RFX1: variants seen among roughly 807,000 people sequenced by gnomAD.
RFX1 encodes regulatory factor X1.
In RFX1, 42 loss-of-function variants were observed where a neutral mutation model predicts 119.6. The observed-to-expected ratio is 0.35, with a 90% CI of 0.27 to 0.45. The LOEUF (loss-of-function observed/expected upper bound fraction) is 0.45. Among genes scored for constraint, RFX1 ranks in the 20% least tolerant of loss-of-function variants. RFX1 has a pLI of 1.00. For synonymous variants in RFX1, 628 were observed against 618.5 expected (o/e 1.02, Z -0.23); for missense variants, 1,118 against 1,368.1 (o/e 0.82, Z 2.88).
intron 2 of RFX1, among the ~76,000 whole-genome samples, chr19:13,989,635 G>C (rs1037411506): frequency 2.6e-5 from 4 of 152,118 alleles, no homozygotes; most frequent in African/African-American, 9.7e-5. Context: ...TTTTTTGTCA[G>C]GTATCGGGGG....
At chr19:13,983,125 G>T in intron 4 of RFX1, 62 bp downstream of exon 4, 1 of 1,258,136 alleles carries the variant, frequency 7.9e-7, no homozygotes, top group Non-Finnish European at 1.1e-6. Context: ...GCTTGCCACA[G>T]GGGGTTGGTC....
At chr19:13,982,078 G>A (rs1427829574) in intron 5 of RFX1, 43 bp downstream of exon 5, 2 of 1,071,604 alleles carry the variant, frequency 1.9e-6, no homozygotes, top group Non-Finnish European at 1.2e-6. Context: ...GCTGACCTCG[G>A]GAGACAGCAG....
chr19:14,006,031 C>G (rs1447395978), intron 1 of RFX1, 72 bp downstream of exon 1: 6 of 151,968 alleles, frequency 3.9e-5, no homozygotes, highest in Admixed American at 6.6e-5. Flanking sequence ...ACTGTGATTA[C>G]AGAGACACCT....
chr19:13,986,675 C>T lies in RFX1; in HGVS notation c.320-3080G>A, dbSNP rs1396532031. Reference sequence around the variant, plus strand: ...GGGAGGCCCCCACTGTCTCAGGAAACGGCGGCCGATTTCCTGTCTCTGAAT... The same window carrying T: ...GGGAGGCCCCCACTGTCTCAGGAAATGGCGGCCGATTTCCTGTCTCTGAAT... On this transcript the variant is annotated intron_variant, in intron 2 of 20. Transcript: ENST00000254325. This position sits in a 1 kb window ranked among gnomAD's most constrained non-coding sequence, Gnocchi z 4.2. Among the ~76,000 whole-genome samples the T allele has an allele frequency of 6.6e-6, 1 of 152,172 alleles. No individual in the cohort carries two copies. Among genetic ancestry groups the T allele is most frequent in the Non-Finnish European group, 1.5e-5 (1 of 68,016 alleles).
intron 2 of RFX1, among the ~76,000 whole-genome samples, chr19:13,991,762 G>C (rs1240029811): frequency 6.6e-6 from 1 of 152,088 alleles, no homozygotes; most frequent in African/African-American, 2.4e-5. Flanking sequence ...CCGGGTTCAA[G>C]TGATTTTTCC....
intron 2 of RFX1, among the ~76,000 whole-genome samples, chr19:13,991,507 A>G (rs1231716566): frequency 6.6e-6 from 1 of 152,042 alleles, no homozygotes; most frequent in African/African-American, 2.4e-5. Context: ...TCCATATAGT[A>G]AAGAGTCACT....
rs1428522121 is a variant in RFX1, at chr19:13,994,901, T to C, written c.-52-1006A>G. Reference sequence around the variant, plus strand: ...ATATTGAAATATACATACATATATATATATATATATATATATATATATATA... The same window carrying C: ...ATATTGAAATATACATACATATATACATATATATATATATATATATATATA... On this transcript the variant is annotated intron_variant, in intron 1 of 20. Transcript: ENST00000254325. 3.9e-3 allele frequency among the ~76,000 whole-genome samples: 229 copies of C among 58,922 alleles called. 1 individual carries two copies. Among genetic ancestry groups the C allele is most frequent in the African/African-American group, 0.016 (201 of 12,358 alleles). 38.7% of individuals were successfully genotyped at this position (58,922 alleles called of 152,430 possible). A position where few individuals can be genotyped will look rare whatever the true frequency, so the allele number is the denominator to read the frequency against.
At chr19:13,989,924 G>A (rs990861756) in intron 2 of RFX1, among the ~76,000 whole-genome samples, 22 of 152,158 alleles carry the variant, frequency 1.4e-4, no homozygotes, top group African/African-American at 5.3e-4. Flanking sequence ...GGAGGAGTAG[G>A]ACAGAAACAA....
At chr19:13,962,919 C>T (rs1324920682) in intron 20 of RFX1, 55 bp from the exon 21 acceptor site, 1 of 1,542,760 alleles carries the variant, frequency 6.5e-7, no homozygotes, top group Non-Finnish European at 8.8e-7. Context: ...CCCCCGGGCT[C>T]CTCCTCCTCC....
intron 8 of RFX1, among the ~76,000 whole-genome samples, chr19:13,973,602 G>A (rs1974160799): frequency 6.6e-6 from 1 of 152,096 alleles, no homozygotes; most frequent in African/African-American, 2.4e-5. Context: ...GTGACAGTGA[G>A]ACTCTGGCTT....
At chr19:13,987,039 GACAA>G (rs1347857899) in intron 2 of RFX1, among the ~76,000 whole-genome samples, 5 of 152,196 alleles carry the variant, frequency 3.3e-5, no homozygotes, top group Admixed American at 3.3e-4. Flanking sequence ...TGGGAATGCT[GACAA>G]ACACACTCCA....
intron 1 of RFX1, among the ~76,000 whole-genome samples, chr19:14,002,235 A>G (rs947009361): frequency 1.3e-5 from 2 of 151,716 alleles, no homozygotes; most frequent in Non-Finnish European, 2.9e-5. Flanking sequence ...GAACTGCTTG[A>G]ACCCAGGAGG....
At chr19:13,976,629 CCA>C (rs1409813166) in intron 8 of RFX1, among the ~76,000 whole-genome samples, 5 of 152,130 alleles carry the variant, frequency 3.3e-5, no homozygotes, top group African/African-American at 1.2e-4. Context: ...TGACCAGGAC[CCA>C]CGAGGACACA....
chr19:13,964,854 G>A (rs1287390364), intron 16 of RFX1, among the ~76,000 whole-genome samples: 2 of 152,170 alleles, frequency 1.3e-5, no homozygotes, highest in East Asian at 3.8e-4. Flanking sequence ...TCATTGCTGT[G>A]TACTGAGAAG....
At chr19:13,993,433 G>A in intron 2 of RFX1, 92 bp downstream of exon 2, 6 of 1,284,068 alleles carry the variant, frequency 4.7e-6, no homozygotes, top group South Asian at 1.4e-5. Flanking sequence ...AAACCTTGGG[G>A]GGCATGGCAG....
chr19:14,003,016 T>G (rs1370571608), intron 1 of RFX1, among the ~76,000 whole-genome samples: 1 of 152,228 alleles, frequency 6.6e-6, no homozygotes, highest in Non-Finnish European at 1.5e-5. Flanking sequence ...ACAGTCTTGC[T>G]CTGTCACCCA....
chr19:13,994,760 T>TG (rs1491349675), intron 1 of RFX1, among the ~76,000 whole-genome samples: 30 of 148,154 alleles, frequency 2.0e-4, no homozygotes, highest in Non-Finnish European at 3.4e-4. Context: ...TGTGTGTGTA[T>TG]TTTTTTACTT....
In RFX1 at chr19:13,993,592, G is replaced by A; in HGVS notation, c.252C>T (p.Pro84=). 5 of 1,612,612 alleles carry A rather than the reference G, an allele frequency of 3.1e-6. No individual in the cohort carries two copies. The highest frequency in any genetic ancestry group is 4.2e-6 in the Non-Finnish European group (5 of 1,179,350). ...YVTELPAVPA[P]SQPTGAPTPS... ...GGGTGGGTGCACCGGTTGGCTGCGAGGGTGCGGGTACAGCCGGGAGCTCCG... is the reference window on the plus strand; with the variant it reads ...GGGTGGGTGCACCGGTTGGCTGCGAAGGTGCGGGTACAGCCGGGAGCTCCG... Residue 84 remains proline, a synonymous_variant, in exon 2 of 21, where the codon CCC becomes CCT. Coordinates refer to ENST00000254325, the MANE Select transcript of RFX1 (RefSeq NM_002918.5).
rs1331700020 is a variant in RFX1, at chr19:13,982,114, C to T, written c.621+7G>A. The T allele has an allele frequency of 1.2e-5, 15 of 1,300,468 alleles. No individual in the cohort carries two copies. The highest frequency in any genetic ancestry group is 2.0e-4 in the Middle Eastern group (1 of 4,924). The allele number at this position is 1,300,468 out of a possible 1,614,324, so 80.6% of individuals were successfully genotyped here. A position where few individuals can be genotyped will look rare whatever the true frequency, so the allele number is the denominator to read the frequency against. On this transcript the variant is annotated splice_region_variant and intron_variant, in intron 5 of 20. Coordinates refer to ENST00000254325, the MANE Select transcript of RFX1 (RefSeq NM_002918.5). ...GGGGGAGGGCGGCCAACAGGACCAC[C>T]ACTTACCTCTGGGGGCGAGTGCACC... is the stretch of plus-strand genomic sequence containing the variant.
Sources: gnomAD v4.1 joint callset for allele counts (sites outside exome capture counted in the v4.1 genomes callset) on GRCh38, gnomAD v4.1.1 for gene constraint, Gnocchi (gnomAD v3.1) non-coding constraint, MANE v1.5 for transcripts, NCBI Gene and HGNC (gene_info 2026-07-23, HGNC 2026-07-21) for gene names.